The following RIMS1 variants were observed in gnomAD, a reference collection of about 807,000 sequenced individuals.
RIMS1 encodes the protein regulating synaptic membrane exocytosis 1.
A neutral mutation model predicts 214.1 loss-of-function variants in RIMS1; 83 were observed. The observed-to-expected ratio is 0.39, with a 90% CI of 0.32 to 0.47. The LOEUF (loss-of-function observed/expected upper bound fraction) is 0.47. Ranked by LOEUF, RIMS1 falls within the 20% of genes least tolerant of loss-of-function variation. The pLI, the probability that RIMS1 is intolerant of heterozygous loss-of-function variation, is 0.99. For missense variants in RIMS1, 2,050 were observed against 2,161.8 expected, an observed-to-expected ratio of 0.95 and a Z score of 1.03; for synonymous variants, 793 against 786.8, an observed-to-expected ratio of 1.01 and a Z score of -0.13.
chr6:72,274,335 C>G lies in RIMS1; in HGVS notation c.3399-14C>G. 2 of 1,592,804 alleles carry G rather than the reference C, an allele frequency of 1.3e-6. No homozygotes were observed. The highest frequency in any genetic ancestry group is 1.7e-6 in the Non-Finnish European group (2 of 1,162,106). On this transcript the variant is annotated splice_polypyrimidine_tract_variant and intron_variant, in intron 22 of 33. Transcript: ENST00000521978. ...ATGTCCTGTTTTTTCCTGTCTTGTTCACTGGGCAAACAGGGGTAGATGGTC... is the reference window on the plus strand; with the variant it reads ...ATGTCCTGTTTTTTCCTGTCTTGTTGACTGGGCAAACAGGGGTAGATGGTC...
chr6:72,033,392 C>G (rs1818699421), intron 2 of RIMS1, among the ~76,000 whole-genome samples: 1 of 152,172 alleles, frequency 6.6e-6, no homozygotes, highest in Non-Finnish European at 1.5e-5. Context: ...TGTTAATTAC[C>G]TAATAAACAA....
At chr6:72,051,400 T>C (rs1209948996) in intron 2 of RIMS1, among the ~76,000 whole-genome samples, 4 of 152,200 alleles carry the variant, frequency 2.6e-5, no homozygotes, top group Non-Finnish European at 4.4e-5. Flanking sequence ...ACCTAACTCA[T>C]TTGAAACTGA....
chr6:71,959,641 G>C (rs1792324666), intron 1 of RIMS1, among the ~76,000 whole-genome samples: 1 of 151,334 alleles, frequency 6.6e-6, no homozygotes, highest in Non-Finnish European at 1.5e-5. Flanking sequence ...ACCATTATCT[G>C]ATAACTATCT....
At chr6:71,964,404 C>T (rs574046394) in intron 1 of RIMS1, among the ~76,000 whole-genome samples, 3 of 152,132 alleles carry the variant, frequency 2.0e-5, no homozygotes, top group African/African-American at 7.2e-5. Flanking sequence ...AGAATAGACT[C>T]CAGGAGGAGA....
intron 29 of RIMS1, among the ~76,000 whole-genome samples, chr6:72,343,880 C>T (rs1353191824): frequency 1.3e-5 from 2 of 151,602 alleles, no homozygotes; most frequent in Non-Finnish European, 2.9e-5. Context: ...AGGTGTATCA[C>T]TAACTTCTCA....
chr6:72,184,386 T>C (rs372321177), intron 6 of RIMS1, among the ~76,000 whole-genome samples: 283 of 152,354 alleles, frequency 1.9e-3, no homozygotes, highest in African/African-American at 6.5e-3. Flanking sequence ...TTTGTGACGC[T>C]GTTGCTGCAG....
chr6:72,097,448 G>T (rs72934885), intron 3 of RIMS1, among the ~76,000 whole-genome samples: 8,491 of 152,234 alleles, frequency 0.056, 333 homozygotes, highest in Middle Eastern at 0.096. Flanking sequence ...TGCAGTTAAT[G>T]TAGATTTAAT....
chr6:71,926,115 G>A (rs1781493791), intron 1 of RIMS1, among the ~76,000 whole-genome samples: 1 of 152,248 alleles, frequency 6.6e-6, no homozygotes, highest in South Asian at 2.1e-4. Flanking sequence ...CACCAGGCTG[G>A]AGTGCAGGGG....
intron 10 of RIMS1, among the ~76,000 whole-genome samples, chr6:72,243,919 T>A (rs1263333287): frequency 1.3e-5 from 2 of 151,318 alleles, no homozygotes; most frequent in African/African-American, 4.8e-5. Context: ...GTATCAACTT[T>A]CTTTCTAGTG....
intron 4 of RIMS1, among the ~76,000 whole-genome samples, chr6:72,171,258 T>C (rs2046982795): frequency 6.6e-6 from 1 of 151,302 alleles, no homozygotes. Flanking sequence ...CTTTAAATAA[T>C]GTAATATAAT....
chr6:71,961,539 T>A (rs1229883813), intron 1 of RIMS1, among the ~76,000 whole-genome samples: 1 of 152,090 alleles, frequency 6.6e-6, no homozygotes, highest in African/African-American at 2.4e-5. Flanking sequence ...GTAGCAATTA[T>A]CTTCATTTTC....
chr6:72,353,873 G>C (rs972680933), intron 29 of RIMS1, among the ~76,000 whole-genome samples: 3 of 152,102 alleles, frequency 2.0e-5, no homozygotes, highest in Non-Finnish European at 4.4e-5. Context: ...TATACAGTAA[G>C]GAAATTAAGG....
intron 2 of RIMS1, among the ~76,000 whole-genome samples, chr6:72,090,185 T>C (rs1247859653): frequency 6.6e-6 from 1 of 152,082 alleles, no homozygotes; most frequent in Non-Finnish European, 1.5e-5. Flanking sequence ...AAAAATTTTT[T>C]TTATAGAGAT....
Position 72,291,989 on chromosome 6 carries a change from A to G in RIMS1, c.3793A>G (p.Ser1265Gly). ...QSPPADTSFS[S>G]RRGRQLPQVP... ...TCCTCCAGCAGACACATCGTTCAGC[A>G]GTCGCAGGGGAAGACAGCTCCCACA... is the stretch of plus-strand genomic sequence containing the variant. The change falls in exon 26 of 34, where the codon AGT becomes GGT. Residue 1265 changes from serine to glycine, a missense_variant. Coordinates refer to ENST00000521978, the MANE Select transcript of RIMS1 (RefSeq NM_014989.7). The G allele has an allele frequency of 6.4e-7, 1 of 1,564,924 alleles. No homozygotes were observed. Among genetic ancestry groups the G allele is most frequent in the Non-Finnish European group, 8.7e-7 (1 of 1,154,748 alleles).
intron 4 of RIMS1, among the ~76,000 whole-genome samples, chr6:72,174,949 C>T (rs1319590808): frequency 6.6e-6 from 1 of 151,910 alleles, no homozygotes; most frequent in African/African-American, 2.4e-5. Flanking sequence ...AGAAACATAC[C>T]CACATACACC....
intron 6 of RIMS1, among the ~76,000 whole-genome samples, chr6:72,196,444 A>C (rs2153986563): frequency 6.6e-6 from 1 of 151,840 alleles, no homozygotes; most frequent in South Asian, 2.1e-4. Context: ...ATAGAGAGAC[A>C]GGATGCTTCA....
intron 7 of RIMS1, among the ~76,000 whole-genome samples, chr6:72,234,171 A>G (rs144747836): frequency 5.9e-5 from 9 of 152,078 alleles, no homozygotes; most frequent in African/African-American, 1.9e-4. Context: ...TTTTAGAACT[A>G]TTTAAAAATG....
At chr6:72,064,869 C>A (rs2152271295) in intron 2 of RIMS1, among the ~76,000 whole-genome samples, 1 of 152,206 alleles carries the variant, frequency 6.6e-6, no homozygotes, top group South Asian at 2.1e-4. Context: ...ACATTCAACG[C>A]CTGCATTTTG....
chr6:72,226,661 C>A (rs2060279100), intron 6 of RIMS1, among the ~76,000 whole-genome samples: 1 of 151,954 alleles, frequency 6.6e-6, no homozygotes, highest in Admixed American at 6.6e-5. Context: ...AGGTATAATA[C>A]AAGCTGTCTT....
Sources: gnomAD v4.1 joint callset for allele counts (sites outside exome capture counted in the v4.1 genomes callset) on GRCh38, gnomAD v4.1.1 for gene constraint, MANE v1.5 for transcripts, NCBI Gene and HGNC (gene_info 2026-07-23, HGNC 2026-07-21) for gene names.